HUNK: variants seen among roughly 807,000 people sequenced by gnomAD.
HUNK encodes hormonally up-regulated Neu-associated kinase, also known as hormonally up-regulated neu tumor-associated kinase.
In HUNK, 21 loss-of-function variants were observed where a neutral mutation model predicts 61.0. That is an observed-to-expected ratio of 0.34 (90% CI 0.24 to 0.50). The LOEUF is 0.50. Ranked by LOEUF, HUNK falls within the 20% of genes least tolerant of loss-of-function variation. The probability of loss-of-function intolerance (pLI) is 0.98; values close to 1 mark genes in which losing one functional copy is unlikely to be tolerated. For missense variants in HUNK, 772 were observed against 945.7 expected (o/e 0.82, Z 2.41); for synonymous variants, 371 against 386.1 (o/e 0.96, Z 0.46).
chr21:31,938,895 C>T (rs2052750268), intron 2 of HUNK, among the ~76,000 whole-genome samples: 1 of 152,216 alleles, frequency 6.6e-6, no homozygotes, highest in South Asian at 2.1e-4. Flanking sequence ...CCAAGTACAT[C>T]CTTTGCCCAC....
chr21:31,929,685 C>T (rs2052684079), intron 2 of HUNK, among the ~76,000 whole-genome samples: 1 of 152,220 alleles, frequency 6.6e-6, no homozygotes, highest in Non-Finnish European at 1.5e-5. Flanking sequence ...AGCCACGGGG[C>T]TGCAGGACCA....
chr21:31,998,651 C>A lies in HUNK; in HGVS notation c.1612C>A (p.His538Asn). Residue 538 changes from histidine to asparagine, a missense_variant, in exon 11 of 11, where the codon CAT becomes AAT. Around this residue, in one of 2 missense-constraint regions of HUNK, gnomAD observed 413 missense variants for 444.4 expected, o/e 0.93. Transcript: ENST00000270112. ...TPRIVKKPEPHQPGPGSTGIP... is the reference protein window; with the variant it reads ...TPRIVKKPEPNQPGPGSTGIP... ...GAGGATTGTGAAGAAACCGGAGCCC[C>A]ATCAGCCAGGGCCCGGAAGCACTGG... is the stretch of plus-strand genomic sequence containing the variant. 1 of 1,614,164 alleles carries A rather than the reference C, an allele frequency of 6.2e-7. No individual in the cohort carries two copies. The highest frequency in any genetic ancestry group is 8.5e-7 in the Non-Finnish European group (1 of 1,180,034).
At chr21:31,889,594 C>T (rs1180175114) in intron 1 of HUNK, among the ~76,000 whole-genome samples, 1 of 152,166 alleles carries the variant, frequency 6.6e-6, no homozygotes, top group Non-Finnish European at 1.5e-5. Context: ...AACACATCTC[C>T]AGGTTTTCAT....
chr21:31,978,383 A>G (rs1420577215), intron 7 of HUNK, among the ~76,000 whole-genome samples: 1 of 152,196 alleles, frequency 6.6e-6, no homozygotes, highest in Non-Finnish European at 1.5e-5. Context: ...ATACACTGTT[A>G]TTAACTATAG....
chr21:31,960,790 G>T (rs1485307278), intron 5 of HUNK, among the ~76,000 whole-genome samples: 11 of 152,202 alleles, frequency 7.2e-5, no homozygotes, highest in Admixed American at 7.2e-4. Context: ...CCCTTGACAT[G>T]TGGGGATTAT....
At chr21:31,954,091 C>T (rs370060098) in intron 4 of HUNK, among the ~76,000 whole-genome samples, 6 of 152,252 alleles carry the variant, frequency 3.9e-5, no homozygotes, top group African/African-American at 9.6e-5. Flanking sequence ...CTCAGGGTCT[C>T]CTTCAAGAAA....
chr21:31,976,769 CTT>C (rs398036366), intron 7 of HUNK, among the ~76,000 whole-genome samples: 11 of 136,826 alleles, frequency 8.0e-5, no homozygotes, highest in Non-Finnish European at 7.9e-5. Flanking sequence ...ACCTGGCCCT[CTT>C]TTTTTTTTTT....
intron 5 of HUNK, among the ~76,000 whole-genome samples, chr21:31,960,638 G>T (rs543418126): frequency 6.6e-6 from 1 of 152,190 alleles, no homozygotes; most frequent in East Asian, 1.9e-4. Flanking sequence ...AAGAGCAAAG[G>T]GACATCTTAG....
intron 5 of HUNK, among the ~76,000 whole-genome samples, chr21:31,962,615 C>T (rs1177277952): frequency 6.6e-6 from 1 of 152,234 alleles, no homozygotes; most frequent in Non-Finnish European, 1.5e-5. Flanking sequence ...TCTGTGTGTG[C>T]TTGTTAAAGA....
At chr21:31,932,512 G>A (rs1426452676) in intron 2 of HUNK, among the ~76,000 whole-genome samples, 1 of 152,142 alleles carries the variant, frequency 6.6e-6, no homozygotes, top group African/African-American at 2.4e-5. Context: ...GTCATGGCCT[G>A]TTTGCATGCT....
At chr21:31,951,490 T>C (rs1002138735) in intron 4 of HUNK, among the ~76,000 whole-genome samples, 1 of 152,092 alleles carries the variant, frequency 6.6e-6, no homozygotes, top group Non-Finnish European at 1.5e-5. Context: ...ACCGAGAAGA[T>C]TGAGAATGCA....
chr21:31,897,302 A>G (rs2052431769), intron 1 of HUNK, among the ~76,000 whole-genome samples: 1 of 152,304 alleles, frequency 6.6e-6, no homozygotes, highest in East Asian at 1.9e-4. Flanking sequence ...TGGCTTCAAC[A>G]ATGGAAATTT....
chr21:31,978,592 G>C (rs2053068290), intron 7 of HUNK, among the ~76,000 whole-genome samples: 1 of 152,016 alleles, frequency 6.6e-6, no homozygotes, highest in Admixed American at 6.6e-5. Flanking sequence ...TTGTCTTTCT[G>C]TGCCTGGCTT....
intron 1 of HUNK, among the ~76,000 whole-genome samples, chr21:31,922,375 G>T (rs1401119624): frequency 6.7e-6 from 1 of 148,666 alleles, no homozygotes; most frequent in Non-Finnish European, 1.5e-5. Flanking sequence ...TGCCCAGTCT[G>T]GAGTGCAATG....
At chr21:31,962,517 G>T (rs1308950619) in intron 5 of HUNK, among the ~76,000 whole-genome samples, 1 of 152,218 alleles carries the variant, frequency 6.6e-6, no homozygotes. Context: ...TATTAAAAAT[G>T]TTCCCAGCAA....
intron 1 of HUNK, among the ~76,000 whole-genome samples, chr21:31,920,420 T>A (rs975391874): frequency 4.6e-5 from 7 of 152,246 alleles, no homozygotes; most frequent in Admixed American, 2.0e-4. Flanking sequence ...AGGCAGATTG[T>A]ATTACTGCTG....
intron 8 of HUNK, among the ~76,000 whole-genome samples, chr21:31,984,570 A>C (rs2053120298): frequency 6.6e-6 from 1 of 151,972 alleles, no homozygotes; most frequent in African/African-American, 2.4e-5. Flanking sequence ...AAAGAACACA[A>C]CTCTGATTTC....
chr21:31,904,344 A>G (rs960365222), intron 1 of HUNK, among the ~76,000 whole-genome samples: 1 of 152,206 alleles, frequency 6.6e-6, no homozygotes, highest in African/African-American at 2.4e-5. Flanking sequence ...CCTAAACTTT[A>G]TGCCTCACTG....
At position 31,999,947 on chromosome 21, in the gene HUNK, G is replaced by T; in HGVS notation, c.*763G>T. The T allele has an allele frequency of 2.5e-6, 1 of 392,870 alleles. No individual in the cohort carries two copies. Among genetic ancestry groups the T allele is most frequent in the East Asian group, 3.6e-5 (1 of 27,554 alleles). The allele number at this position is 392,870 out of a possible 1,614,324, so 24.3% of individuals were successfully genotyped here. A position where few individuals can be genotyped will look rare whatever the true frequency, so the allele number is the denominator to read the frequency against. On this transcript the variant is annotated 3_prime_UTR_variant, in exon 11 of 11. Transcript: ENST00000270112. ...TAAAACTTGGATGGAGAGATGAGAAGCAATTCCACCAAACTCATGTTTTCA... is the reference window on the plus strand; with the variant it reads ...TAAAACTTGGATGGAGAGATGAGAATCAATTCCACCAAACTCATGTTTTCA...
Sources: allele counts gnomAD v4.1 joint callset (sites outside exome capture counted in the v4.1 genomes callset), GRCh38; gene constraint gnomAD v4.1.1; regional missense constraint gnomAD v4.1.1; transcripts MANE v1.5; gene names NCBI Gene and HGNC (gene_info 2026-07-23, HGNC 2026-07-21).